OR51B5: variants seen among roughly 807,000 people sequenced by gnomAD.
OR51B5 encodes olfactory receptor 51B5.
For missense variants in OR51B5, 456 were observed against 374.6 expected (o/e 1.22, Z -1.79); for synonymous variants, 186 against 144.8 (o/e 1.28, Z -2.04).
chr11:5,402,799 T>C (rs1849991654), intron 1 of OR51B5: 1 of 471,528 alleles, frequency 2.1e-6, no homozygotes, highest in African/African-American at 2.0e-5. Context: ...TTCCTTGCCA[T>C]GTTGGCACTG....
rs187769572 is a variant in OR51B5, at chr11:5,474,083, T to C, written n.84+31486A>G. Among the ~76,000 whole-genome samples, 64 of 152,248 alleles carry C rather than the reference T, an allele frequency of 4.2e-4. 1 individual carries two copies. The East Asian group carries it at 0.011, about 25-fold the overall frequency. On this transcript the variant is annotated intron_variant and non_coding_transcript_variant, in intron 1 of 4. Coordinates refer to the OR51B5 transcript ENST00000415970. ...TTGACTGATTTAACCTAATTACAAA[T>C]ATAAGCCATGGAAAATAATTACTAT...
chr11:5,359,317 G>A (rs374005655), intron 1 of OR51B5, among the ~76,000 whole-genome samples: 1 of 148,248 alleles, frequency 6.7e-6, no homozygotes, highest in Non-Finnish European at 1.5e-5. Flanking sequence ...AAATCAATGT[G>A]CAAAAATCAC....
chr11:5,373,779 G>A (rs563579114), intron 1 of OR51B5, among the ~76,000 whole-genome samples: 152 of 152,292 alleles, frequency 1.0e-3, no homozygotes, highest in Middle Eastern at 6.8e-3. Flanking sequence ...GCTGGGGGAG[G>A]GGCAGCCGCC....
In OR51B5 at chr11:5,386,557, G is replaced by C. The variant is rs569571282; in HGVS notation, n.85-39647C>G. Reference sequence around the variant, plus strand: ...ATCACCACAGATCTTTTACAAGTTTGAACTTTATTCTAATGATAGGAGCTA... The same window carrying C: ...ATCACCACAGATCTTTTACAAGTTTCAACTTTATTCTAATGATAGGAGCTA... On this transcript the variant is annotated intron_variant and non_coding_transcript_variant, in intron 1 of 4. Coordinates refer to the OR51B5 transcript ENST00000415970. 5.3e-5 allele frequency among the ~76,000 whole-genome samples: 8 copies of C among 152,100 alleles called. No individual in the cohort carries two copies. In the South Asian group the frequency reaches 1.5e-3, roughly 28 times the overall value.
chr11:5,475,868 A>C (rs1851297674), intron 1 of OR51B5, among the ~76,000 whole-genome samples: 1 of 151,842 alleles, frequency 6.6e-6, no homozygotes, highest in South Asian at 2.1e-4. Context: ...ATGGTAGGGT[A>C]CATGTGACTA....
At chr11:5,386,139 C>T (rs1361308132) in intron 1 of OR51B5, among the ~76,000 whole-genome samples, 1 of 151,820 alleles carries the variant, frequency 6.6e-6, no homozygotes, top group African/African-American at 2.4e-5. Context: ...CAAGTGTTTA[C>T]TGGTTGGAAA....
chr11:5,385,557 C>T (rs1849675868), intron 1 of OR51B5: 1 of 151,966 alleles, frequency 6.6e-6, no homozygotes, highest in Admixed American at 6.6e-5. Context: ...CTCCAGGGGC[C>T]TTTAGAGAAT....
intron 1 of OR51B5, among the ~76,000 whole-genome samples, chr11:5,460,529 G>A (rs1474695930): frequency 6.6e-6 from 1 of 152,080 alleles, no homozygotes; most frequent in African/African-American, 2.4e-5. Context: ...ACCTTCTTCA[G>A]TATCTCATTG....
chr11:5,450,603 GCCT>G (rs1850830150), intron 1 of OR51B5, among the ~76,000 whole-genome samples: 1 of 152,096 alleles, frequency 6.6e-6, no homozygotes, highest in Non-Finnish European at 1.5e-5. Context: ...TTTGTGTTCA[GCCT>G]TGGAGACAGG....
chr11:5,360,377 G>T (rs1018042652), intron 1 of OR51B5, among the ~76,000 whole-genome samples: 12 of 152,000 alleles, frequency 7.9e-5, no homozygotes, highest in Non-Finnish European at 1.8e-4. Context: ...GCAGTCAACA[G>T]ACACATGAAA....
intron 1 of OR51B5, among the ~76,000 whole-genome samples, chr11:5,449,008 C>T (rs939561677): frequency 2.6e-5 from 4 of 152,216 alleles, no homozygotes; most frequent in Non-Finnish European, 5.9e-5. Context: ...TCTGATTGCA[C>T]CTCAATTGAT....
chr11:5,447,680 A>T (rs1281949473), intron 1 of OR51B5, among the ~76,000 whole-genome samples: 5 of 152,120 alleles, frequency 3.3e-5, no homozygotes, highest in Non-Finnish European at 7.4e-5. Flanking sequence ...CCCAAGATCT[A>T]CAAATATGGG....
intron 1 of OR51B5, among the ~76,000 whole-genome samples, chr11:5,464,834 T>C (rs1390357723): frequency 1.3e-5 from 2 of 152,160 alleles, no homozygotes; most frequent in South Asian, 4.1e-4. Context: ...ATGGTATTTC[T>C]AGTTCTAGAT....
intron 1 of OR51B5, among the ~76,000 whole-genome samples, chr11:5,364,783 C>T (rs913027093): frequency 2.0e-5 from 3 of 152,162 alleles, no homozygotes; most frequent in Non-Finnish European, 2.9e-5. Flanking sequence ...CACCCTCTTC[C>T]TTCCTGAGCA....
intron 1 of OR51B5, chr11:5,393,195 T>C (rs1849822779): frequency 6.6e-6 from 1 of 152,186 alleles, no homozygotes; most frequent in African/African-American, 2.4e-5. Context: ...AGGTCAGTGA[T>C]CAATAAATAT....
At position 5,363,043 on chromosome 11, in the gene OR51B5, A is replaced by G. The variant is rs533471164; in HGVS notation, n.85-16133T>C. On this transcript the variant is annotated intron_variant and non_coding_transcript_variant, in intron 1 of 4. Coordinates refer to the OR51B5 transcript ENST00000415970. ...GTTGAAAACAAGGAAAAGGAGCCCA[A>G]GGAAATGCAAGTGTTGTAAAATGTG... 4.0e-5 allele frequency among the ~76,000 whole-genome samples: 6 copies of G among 151,518 alleles called. No homozygotes were observed. The East Asian group carries it at 9.7e-4, about 24-fold the overall frequency.
chr11:5,489,568 C>T, intron 1 of OR51B5: 1 of 1,614,016 alleles, frequency 6.2e-7, no homozygotes, highest in Non-Finnish European at 8.5e-7. Context: ...TGTGCTGGTG[C>T]CTCCTGTACT....
chr11:5,342,722 T>C (rs185801103), exon 1 of OR51B5: 3 of 1,613,854 alleles, frequency 1.9e-6, no homozygotes, highest in East Asian at 2.2e-5. Context: ...GTGAACAATA[T>C]GTGGAACCTG....
chr11:5,453,287 G>A (rs1280497777), intron 1 of OR51B5: 5 of 421,354 alleles, frequency 1.2e-5, no homozygotes, highest in Non-Finnish European at 2.1e-5. Context: ...CCTGCAGGCT[G>A]ATCATCATAA....
Sources: gnomAD v4.1 joint callset for allele counts (sites outside exome capture counted in the v4.1 genomes callset) on GRCh38, gnomAD v4.1.1 for gene constraint, MANE v1.5 for transcripts, NCBI Gene and HGNC (gene_info 2026-07-23, HGNC 2026-07-21) for gene names.